The following LNX2 variants were observed in gnomAD, a reference collection of about 807,000 sequenced individuals.
LNX2 encodes the protein ligand of Numb protein X 2.
LNX2 carries 35 observed loss-of-function variants against 66.2 expected under a neutral mutation model. The observed-to-expected ratio is 0.53, with a 90% CI of 0.40 to 0.70. The LOEUF is 0.70. Ranked by LOEUF, LNX2 falls within the 30% of genes least tolerant of loss-of-function variation. The probability of loss-of-function intolerance (pLI) is 0.00; values close to 1 mark genes in which losing one functional copy is unlikely to be tolerated. For synonymous variants in LNX2, 337 were observed against 315.6 expected (o/e 1.07, Z -0.72); for missense variants, 791 against 850.8 (o/e 0.93, Z 0.87).
chr13:27,597,738 G>C (rs1955614931), intron 1 of LNX2, among the ~76,000 whole-genome samples: 1 of 152,128 alleles, frequency 6.6e-6, no homozygotes, highest in Non-Finnish European at 1.5e-5. Flanking sequence ...AGGAGGAATG[G>C]ATTTGAGCAA....
At chr13:27,589,312 T>C (rs1265911883) in intron 1 of LNX2, among the ~76,000 whole-genome samples, 3 of 152,244 alleles carry the variant, frequency 2.0e-5, no homozygotes, top group African/African-American at 4.8e-5. Context: ...AATTTTATTC[T>C]ATAAACTACT....
chr13:27,590,897 C>A (rs1302720986), intron 1 of LNX2, among the ~76,000 whole-genome samples: 1 of 151,788 alleles, frequency 6.6e-6, no homozygotes. Flanking sequence ...TCAGTGACAC[C>A]AATAATTTAA....
chr13:27,583,229 TGTGTGTGTG>T (rs1566124777), intron 1 of LNX2, among the ~76,000 whole-genome samples: 17 of 19,638 alleles, frequency 8.7e-4, no homozygotes, highest in Non-Finnish European at 1.4e-3. Flanking sequence ...TGTGTGTGTG[TGTGTGTGTG>T]TGTGTGTGTG....
chr13:27,549,993 A>T (rs1954986706), intron 9 of LNX2, among the ~76,000 whole-genome samples: 1 of 152,258 alleles, frequency 6.6e-6, no homozygotes, highest in Non-Finnish European at 1.5e-5. Flanking sequence ...ACTCAGGTTC[A>T]GTTTCTGTCA....
rs549774708 is a variant in LNX2, at chr13:27,564,843, T to C, written c.856-2062A>G. 2.0e-5 allele frequency among the ~76,000 whole-genome samples: 3 copies of C among 152,254 alleles called. No individual in the cohort carries two copies. The South Asian group carries it at 6.2e-4, about 32-fold the overall frequency. On this transcript the variant is annotated intron_variant, in intron 4 of 9. Transcript: ENST00000316334. ...GTAACCAGATAGTAAAAAATACCAA[T>C]AGGCCTCTTTCCAAGTGTTTACTCT...
intron 7 of LNX2, among the ~76,000 whole-genome samples, chr13:27,555,252 G>C (rs371119327): frequency 1.1e-4 from 16 of 152,304 alleles, no homozygotes; most frequent in African/African-American, 3.6e-4. Flanking sequence ...CCCAGCCTGA[G>C]CATCTTTTCA....
At chr13:27,602,249 G>C (rs1955665605) in intron 1 of LNX2, among the ~76,000 whole-genome samples, 1 of 152,016 alleles carries the variant, frequency 6.6e-6, no homozygotes, top group African/African-American at 2.4e-5. Flanking sequence ...AGTAAAATGT[G>C]CAAATCTTAA....
intron 7 of LNX2, among the ~76,000 whole-genome samples, chr13:27,554,354 T>C (rs1185114079): frequency 1.3e-5 from 2 of 152,194 alleles, no homozygotes; most frequent in African/African-American, 4.8e-5. Flanking sequence ...CAATCATCAC[T>C]ACAGTAATTT....
chr13:27,579,077 A>G, intron 2 of LNX2, among the ~76,000 whole-genome samples: 1 of 152,246 alleles, frequency 6.6e-6, no homozygotes, highest in Non-Finnish European at 1.5e-5. Flanking sequence ...ACAACCCGGC[A>G]TTAGATTCTA....
At chr13:27,591,338 T>A (rs1445779498) in intron 1 of LNX2, among the ~76,000 whole-genome samples, 4 of 152,178 alleles carry the variant, frequency 2.6e-5, no homozygotes, top group Non-Finnish European at 1.5e-5. Context: ...TAATAAAATA[T>A]TTGCACTGTA....
chr13:27,582,672 A>G (rs1266231952), intron 1 of LNX2, among the ~76,000 whole-genome samples: 5 of 152,170 alleles, frequency 3.3e-5, no homozygotes, highest in African/African-American at 4.8e-5. Context: ...GTTCTCACTC[A>G]TAAGTGGGAG....
At chr13:27,574,029 A>C (rs1392336388) in intron 2 of LNX2, among the ~76,000 whole-genome samples, 1 of 152,152 alleles carries the variant, frequency 6.6e-6, no homozygotes, top group Non-Finnish European at 1.5e-5. Context: ...ATGTTCAAAG[A>C]AGTAAAGGAA....
chr13:27,594,500 GAGAT>G (rs1439341357), intron 1 of LNX2, among the ~76,000 whole-genome samples: 2 of 152,004 alleles, frequency 1.3e-5, no homozygotes, highest in African/African-American at 4.8e-5. Flanking sequence ...TCTTCATAAT[GAGAT>G]AAAGATTTGC....
At chr13:27,598,441 G>T (rs1037472120) in intron 1 of LNX2, among the ~76,000 whole-genome samples, 6 of 152,166 alleles carry the variant, frequency 3.9e-5, no homozygotes. Flanking sequence ...ATTGAACAGG[G>T]ATTAACCCAT....
chr13:27,554,943 A>G (rs779023203), intron 7 of LNX2, among the ~76,000 whole-genome samples: 1 of 152,132 alleles, frequency 6.6e-6, no homozygotes, highest in Non-Finnish European at 1.5e-5. Flanking sequence ...GTGAAGTAGT[A>G]TCTTACTGTG....
In LNX2 at chr13:27,576,856, T is replaced by G. The variant is rs79420632; in HGVS notation, c.407+4441A>C. 8.4e-3 allele frequency among the ~76,000 whole-genome samples: 1,285 copies of G among 152,294 alleles called. 44 individuals carry two copies. Among genetic ancestry groups the G allele is most frequent in the Admixed American group, 0.052 (792 of 15,294 alleles). On this transcript the variant is annotated intron_variant, in intron 2 of 9. Transcript: ENST00000316334. ...TATAAGAGAGAAAACTAGAAAACTC[T>G]TAGAAGAAAACGTACATGTAAATTT...
chr13:27,599,831 C>T (rs980097891), intron 1 of LNX2, among the ~76,000 whole-genome samples: 1 of 152,128 alleles, frequency 6.6e-6, no homozygotes, highest in Non-Finnish European at 1.5e-5. Context: ...AAGAAACACA[C>T]ATCTAAATAT....
chr13:27,562,575 T>C lies in LNX2; in HGVS notation c.1062A>G (p.Lys354=). 1 of 1,614,130 alleles carries C rather than the reference T, an allele frequency of 6.2e-7. No homozygotes were observed. Among genetic ancestry groups the C allele is most frequent in the Non-Finnish European group, 8.5e-7 (1 of 1,180,012 alleles). ...CTGGCTCATCTGTCCTTCGCACCAA[T>C]TTAATGCCAAGCTGTTCACCAGAGT... ...KRDSGEQLGI[K]LVRRTDEPGV... The change falls in exon 5 of 10, where the codon AAA becomes AAG. Residue 354 remains lysine, a synonymous_variant. Transcript: ENST00000316334.
intron 2 of LNX2, among the ~76,000 whole-genome samples, chr13:27,573,924 GAAAA>G (rs58411252): frequency 1.5e-5 from 2 of 131,424 alleles, no homozygotes; most frequent in Non-Finnish European, 1.6e-5. Context: ...CCATTCACAG[GAAAA>G]AAAAAAAAAA....
Sources: allele counts gnomAD v4.1 joint callset (sites outside exome capture counted in the v4.1 genomes callset), GRCh38; gene constraint gnomAD v4.1.1; transcripts MANE v1.5; gene names NCBI Gene and HGNC (gene_info 2026-07-23, HGNC 2026-07-21).